Variants in STXBP6 observed in about 807,000 individuals in gnomAD.
STXBP6 encodes the protein syntaxin-binding protein 6.
STXBP6 carries 21 observed loss-of-function variants against 26.9 expected under a neutral mutation model. The observed-to-expected ratio is 0.78, with a 90% confidence interval of 0.55 to 1.12. STXBP6 has a LOEUF of 1.12. STXBP6 is among the 50% of genes most tolerant of loss of function. The pLI is 0.00. For missense variants in STXBP6, 232 were observed against 257.9 expected (o/e 0.90, Z 0.69); for synonymous variants, 97 against 92.6 (o/e 1.05, Z -0.27).
intron 2 of STXBP6, among the ~76,000 whole-genome samples, chr14:24,911,622 A>T (rs1461223876): frequency 1.3e-5 from 2 of 152,188 alleles, no homozygotes; most frequent in Non-Finnish European, 2.9e-5. Flanking sequence ...TGTCCTCTCT[A>T]ACAGCCCAAC....
chr14:25,036,575 C>T (rs933882213), intron 1 of STXBP6, among the ~76,000 whole-genome samples: 1 of 152,166 alleles, frequency 6.6e-6, no homozygotes, highest in Non-Finnish European at 1.5e-5. Flanking sequence ...AATCAGCTGG[C>T]CCGGCACGGT....
chr14:24,932,577 A>G (rs1303041855), intron 2 of STXBP6, among the ~76,000 whole-genome samples: 1 of 152,194 alleles, frequency 6.6e-6, no homozygotes, highest in African/African-American at 2.4e-5. Context: ...TATATAATGA[A>G]TTACAGTGAG....
At chr14:24,857,277 G>C (rs1239379568) in intron 2 of STXBP6, 120 bp from the exon 3 acceptor site, 20 of 1,323,464 alleles carry the variant, frequency 1.5e-5, no homozygotes, top group Non-Finnish European at 2.0e-5. Flanking sequence ...AGAAGGCAGA[G>C]GGGGAAAGGA....
chr14:25,000,409 T>C (rs2074730455), intron 1 of STXBP6, among the ~76,000 whole-genome samples: 1 of 151,326 alleles, frequency 6.6e-6, no homozygotes, highest in African/African-American at 2.4e-5. Context: ...TCTGGCAGTT[T>C]ATAGTCTATG....
At chr14:25,021,104 C>T (rs569719041) in intron 1 of STXBP6, among the ~76,000 whole-genome samples, 3 of 152,296 alleles carry the variant, frequency 2.0e-5, no homozygotes, top group African/African-American at 4.8e-5. Context: ...ACCACCACCA[C>T]CCCCATTCCC....
At chr14:24,932,994 G>A (rs2072471797) in intron 2 of STXBP6, among the ~76,000 whole-genome samples, 1 of 152,162 alleles carries the variant, frequency 6.6e-6, no homozygotes, top group African/African-American at 2.4e-5. Context: ...AAGGGGTCCA[G>A]GCTAAATATA....
chr14:24,833,364 G>T (rs965524341), intron 4 of STXBP6, among the ~76,000 whole-genome samples: 2 of 152,154 alleles, frequency 1.3e-5, no homozygotes, highest in African/African-American at 4.8e-5. Flanking sequence ...TTTCTCTAAT[G>T]GAGCATTTAT....
chr14:24,937,781 T>G (rs1403029659), intron 2 of STXBP6, among the ~76,000 whole-genome samples: 2 of 152,234 alleles, frequency 1.3e-5, no homozygotes, highest in Non-Finnish European at 2.9e-5. Flanking sequence ...GTTTCTGACA[T>G]TAAGCTTAAT....
chr14:24,833,670 C>T (rs1465479905), intron 4 of STXBP6, among the ~76,000 whole-genome samples: 1 of 152,104 alleles, frequency 6.6e-6, no homozygotes, highest in Non-Finnish European at 1.5e-5. Flanking sequence ...AACTTCTGGA[C>T]ATGGCAAATA....
intron 2 of STXBP6, among the ~76,000 whole-genome samples, chr14:24,923,474 T>C (rs2072053771): frequency 6.6e-6 from 1 of 152,160 alleles, no homozygotes; most frequent in South Asian, 2.1e-4. Flanking sequence ...TTCTTTATGG[T>C]ATAAGTACTA....
At chr14:24,992,407 A>G (rs1229322722) in intron 1 of STXBP6, among the ~76,000 whole-genome samples, 1 of 152,178 alleles carries the variant, frequency 6.6e-6, no homozygotes, top group Non-Finnish European at 1.5e-5. Context: ...TTTGAAGAAA[A>G]AATAAGTAGG....
At chr14:24,956,019 C>T (rs1251602415) in intron 2 of STXBP6, among the ~76,000 whole-genome samples, 2 of 152,152 alleles carry the variant, frequency 1.3e-5, no homozygotes, top group African/African-American at 2.4e-5. Flanking sequence ...GAAACCCACA[C>T]CCTTTTCTCC....
At chr14:24,900,228 G>A (rs966460209) in intron 2 of STXBP6, among the ~76,000 whole-genome samples, 3 of 152,046 alleles carry the variant, frequency 2.0e-5, no homozygotes, top group Non-Finnish European at 4.4e-5. Flanking sequence ...GAAATCCTAG[G>A]GCTAGCAGAT....
chr14:24,870,893 T>A (rs1022565168), intron 2 of STXBP6, among the ~76,000 whole-genome samples: 1 of 152,192 alleles, frequency 6.6e-6, no homozygotes, highest in African/African-American at 2.4e-5. Context: ...CAAGTTCACA[T>A]TCAGAGTTGG....
At chr14:24,990,290 C>A (rs777293573) in intron 1 of STXBP6, among the ~76,000 whole-genome samples, 4 of 152,126 alleles carry the variant, frequency 2.6e-5, no homozygotes, top group Non-Finnish European at 4.4e-5. Context: ...CTGTTCCAAG[C>A]TGAGTAGGAT....
At position 24,836,644 on chromosome 14, in the gene STXBP6, TA is replaced by T. The variant is rs2068627074; in HGVS notation, c.452-17451del. On this transcript the variant is annotated intron_variant, in intron 4 of 5. Coordinates refer to ENST00000323944, the MANE Select transcript of STXBP6 (RefSeq NM_001394410.1). ...AAAAAAAAAAAGAAGTGAAAATCAATAACCAGTCAAAAGGGTAGCTATTAAC... is the reference window on the plus strand; with the variant it reads ...AAAAAAAAAAAGAAGTGAAAATCAATACCAGTCAAAAGGGTAGCTATTAAC... Among the ~76,000 whole-genome samples, 5 of 110,600 alleles carry T rather than the reference TA, an allele frequency of 4.5e-5. No individual in the cohort carries two copies. The South Asian group carries it at 1.6e-3, about 35-fold the overall frequency. 72.6% of individuals were successfully genotyped at this position (110,600 alleles called of 152,430 possible).
chr14:24,813,372 A>G (rs889462734), intron 5 of STXBP6, among the ~76,000 whole-genome samples: 1 of 152,226 alleles, frequency 6.6e-6, no homozygotes, highest in African/African-American at 2.4e-5. Context: ...ATATCAGTCA[A>G]TATTTTCCCA....
intron 2 of STXBP6, among the ~76,000 whole-genome samples, chr14:24,922,332 G>T (rs1042010395): frequency 2.6e-5 from 4 of 152,038 alleles, no homozygotes; most frequent in Non-Finnish European, 4.4e-5. Flanking sequence ...GAGTGAGTGG[G>T]GGAACCAGGT....
At chr14:24,881,631 T>C (rs2070359420) in intron 2 of STXBP6, among the ~76,000 whole-genome samples, 1 of 152,204 alleles carries the variant, frequency 6.6e-6, no homozygotes, top group Admixed American at 6.5e-5. Context: ...ATAACCTCCC[T>C]GAAGGCAGAG....
Sources: gnomAD v4.1 joint callset for allele counts (sites outside exome capture counted in the v4.1 genomes callset) on GRCh38, gnomAD v4.1.1 for gene constraint, MANE v1.5 for transcripts, NCBI Gene and HGNC (gene_info 2026-07-23, HGNC 2026-07-21) for gene names.